TTC17: variants seen among roughly 807,000 people sequenced by gnomAD.
The protein encoded by TTC17 is tetratricopeptide repeat protein 17.
Under a neutral mutation model 143.8 loss-of-function variants are expected in TTC17, and 58 were observed. The ratio of observed to expected loss-of-function variants is 0.40; its 90% CI spans 0.33 to 0.50. The LOEUF is 0.50. Among genes scored for constraint, TTC17 ranks in the 20% least tolerant of loss-of-function variants. TTC17 has a pLI of 0.49. For missense variants in TTC17, 1,273 were observed against 1,392.5 expected (o/e 0.91, Z 1.37); for synonymous variants, 501 against 497.8 (o/e 1.01, Z -0.09).
At chr11:43,455,010 A>C (rs1947736126) in intron 21 of TTC17, among the ~76,000 whole-genome samples, 2 of 151,702 alleles carry the variant, frequency 1.3e-5, no homozygotes, top group South Asian at 4.1e-4. Flanking sequence ...TCATTCATGA[A>C]AATTATATCA....
At chr11:43,370,889 C>T (rs1856542776) in intron 1 of TTC17, among the ~76,000 whole-genome samples, 1 of 152,058 alleles carries the variant, frequency 6.6e-6, no homozygotes, top group Non-Finnish European at 1.5e-5. Flanking sequence ...TCGTTGCAGC[C>T]TCAAACTCCT....
chr11:43,389,394 G>A (rs974131931), intron 2 of TTC17, among the ~76,000 whole-genome samples: 3 of 152,142 alleles, frequency 2.0e-5, no homozygotes, highest in East Asian at 1.9e-4. Flanking sequence ...GATGTGCTTC[G>A]TGGGTAGTCA....
rs184566478 is a variant in TTC17, at chr11:43,450,291, G to A, written c.2946+50G>A. 77 of 1,576,054 alleles carry A rather than the reference G, an allele frequency of 4.9e-5. 1 individual carries two copies. In the East Asian group the frequency reaches 1.6e-3, roughly 33 times the overall value. ...TGTTTTTTAGCCTCACAGTTAGGAT[G>A]CACATTGATACTACATAGAAAGCCC... On this transcript the variant is annotated intron_variant, in intron 20 of 23. Coordinates refer to ENST00000039989, the MANE Select transcript of TTC17 (RefSeq NM_018259.6).
chr11:43,457,234 C>G (rs1947781061), intron 21 of TTC17, among the ~76,000 whole-genome samples: 1 of 152,016 alleles, frequency 6.6e-6, no homozygotes, highest in African/African-American at 2.4e-5. Flanking sequence ...AGCAGAGGAA[C>G]AGGAATGACC....
intron 16 of TTC17, among the ~76,000 whole-genome samples, chr11:43,431,702 A>T (rs1173228539): frequency 6.6e-6 from 1 of 152,224 alleles, no homozygotes; most frequent in South Asian, 2.1e-4. Flanking sequence ...TGAAATGGAT[A>T]TTATTATTAA....
chr11:43,378,650 A>G (rs984210246), intron 1 of TTC17, among the ~76,000 whole-genome samples: 8 of 152,378 alleles, frequency 5.3e-5, no homozygotes, highest in African/African-American at 1.9e-4. Context: ...ACTCCAAACA[A>G]TGAGAACACA....
chr11:43,485,453 T>C (rs1948362800), intron 21 of TTC17, among the ~76,000 whole-genome samples: 1 of 152,194 alleles, frequency 6.6e-6, no homozygotes, highest in African/African-American at 2.4e-5. Flanking sequence ...GAAAGTTTTC[T>C]TCTTAAAGGA....
intron 15 of TTC17, among the ~76,000 whole-genome samples, chr11:43,413,747 T>A (rs2134620210): frequency 2.0e-5 from 3 of 148,328 alleles, no homozygotes; most frequent in East Asian, 3.9e-4. Context: ...ATCATGGAAA[T>A]GCAAAGGAAA....
At chr11:43,478,203 G>GA (rs1427317230) in intron 21 of TTC17, among the ~76,000 whole-genome samples, 23 of 152,254 alleles carry the variant, frequency 1.5e-4, no homozygotes, top group Middle Eastern at 6.8e-3. Context: ...AATTTGTAAA[G>GA]AAAAAACTAA....
At chr11:43,379,572 TC>T (rs1219438215) in intron 2 of TTC17, among the ~76,000 whole-genome samples, 4 of 152,172 alleles carry the variant, frequency 2.6e-5, no homozygotes, top group Admixed American at 2.6e-4. Context: ...TTCTTAAAAC[TC>T]ATTTATCTTT....
At chr11:43,481,990 A>G (rs1484222197) in intron 21 of TTC17, among the ~76,000 whole-genome samples, 3 of 152,002 alleles carry the variant, frequency 2.0e-5, no homozygotes, top group African/African-American at 7.2e-5. Flanking sequence ...TTGTATTTTT[A>G]GTAGAGATGA....
chr11:43,378,551 T>C lies in TTC17; in HGVS notation c.160-682T>C, dbSNP rs144440655. The stretch of plus-strand genomic sequence containing the variant: ...CCTTATGTATATCCTTGCCTACTTA[T>C]TGAACAATGTCTGTAGGATAGTTTC... On this transcript the variant is annotated intron_variant, in intron 1 of 23. Coordinates refer to ENST00000039989, the MANE Select transcript of TTC17 (RefSeq NM_018259.6). Among the ~76,000 whole-genome samples, 333 of 152,358 alleles carry C rather than the reference T, an allele frequency of 2.2e-3. 5 individuals carry two copies. Among genetic ancestry groups the C allele is most frequent in the Admixed American group, 0.018 (281 of 15,308 alleles).
chr11:43,363,985 T>C (rs1856224541), intron 1 of TTC17, among the ~76,000 whole-genome samples: 1 of 152,104 alleles, frequency 6.6e-6, no homozygotes, highest in South Asian at 2.1e-4. Flanking sequence ...TGTGAGTTCA[T>C]TCGGCATTTA....
chr11:43,446,950 G>C (rs77503374), intron 18 of TTC17, among the ~76,000 whole-genome samples: 4,722 of 152,292 alleles, frequency 0.031, 282 homozygotes, highest in African/African-American at 0.11. Context: ...AGCTCTGCCA[G>C]TTGCTAGCCA....
intron 21 of TTC17, among the ~76,000 whole-genome samples, chr11:43,467,075 C>CA (rs367649226): frequency 5.1e-4 from 76 of 150,162 alleles, no homozygotes; most frequent in Middle Eastern, 3.4e-3. Context: ...TAAAAACTAA[C>CA]AAAAAAAAAT....
chr11:43,443,238 G>T, intron 16 of TTC17, 87 bp from the exon 17 acceptor site: 2 of 1,518,346 alleles, frequency 1.3e-6, no homozygotes, highest in Non-Finnish European at 1.8e-6. Flanking sequence ...GAGCCAAAAC[G>T]TTTCTCCAAA....
At chr11:43,446,310 T>A in intron 18 of TTC17, 1 of 449,670 alleles carries the variant, frequency 2.2e-6, no homozygotes, top group Non-Finnish European at 3.2e-6. Context: ...TCAGGCAGAA[T>A]TAGTTACTCT....
chr11:43,405,992 G>T (rs765525318), intron 13 of TTC17, 41 bp downstream of exon 13: 1 of 1,591,676 alleles, frequency 6.3e-7, no homozygotes, highest in South Asian at 1.1e-5. Flanking sequence ...CGTCCATTCT[G>T]GGTGACTTCA....
At chr11:43,368,407 TG>T (rs1856434207) in intron 1 of TTC17, among the ~76,000 whole-genome samples, 2 of 152,176 alleles carry the variant, frequency 1.3e-5, no homozygotes, top group South Asian at 4.1e-4. Context: ...CCACCACACC[TG>T]ATCTTCCCCC....
Sources: allele counts gnomAD v4.1 joint callset (sites outside exome capture counted in the v4.1 genomes callset), GRCh38; gene constraint gnomAD v4.1.1; transcripts MANE v1.5; gene names NCBI Gene and HGNC (gene_info 2026-07-23, HGNC 2026-07-21).